The following SAXO1 variants were observed in gnomAD, a reference collection of about 807,000 sequenced individuals.
SAXO1 encodes 4930500O09Rik.
Under a neutral mutation model 17.5 loss-of-function variants are expected in SAXO1, and 21 were observed. The ratio of observed to expected loss-of-function variants is 1.20; its 90% CI spans 0.85 to 1.72. The LOEUF is 1.72. Among genes scored for constraint, SAXO1 ranks in the 40% most tolerant of loss-of-function variants. SAXO1 has a pLI of 0.00. For missense variants in SAXO1, 843 were observed against 596.0 expected, an observed-to-expected ratio of 1.41 and a Z score of -4.32; for synonymous variants, 274 against 216.5, an observed-to-expected ratio of 1.27 and a Z score of -2.33.
chr9:18,946,037 GAGGCCAAGGC>G (rs1261513747), intron 2 of SAXO1, among the ~76,000 whole-genome samples: 1 of 152,090 alleles, frequency 6.6e-6, no homozygotes, highest in Non-Finnish European at 1.5e-5. Flanking sequence ...AGCACTTTGG[GAGGCCAAGGC>G]AGGCGGATCA....
intron 1 of SAXO1, among the ~76,000 whole-genome samples, chr9:18,980,313 T>C (rs554524016): frequency 6.6e-6 from 1 of 152,040 alleles, no homozygotes; most frequent in Admixed American, 6.5e-5. Context: ...TGTTTAAGCA[T>C]ACAAATCAGA....
chr9:19,022,271 T>C (rs1329804534), intron 1 of SAXO1, among the ~76,000 whole-genome samples: 1 of 152,176 alleles, frequency 6.6e-6, no homozygotes, highest in Admixed American at 6.5e-5. Flanking sequence ...TCTGGACACA[T>C]CTGAACATCT....
chr9:19,027,285 G>A lies in SAXO1; in HGVS notation c.38+5586C>T, dbSNP rs191344442. ...GGTGGATGTTGAAAAGCTAAAGCCAGGAGACCTGGTGGGTGTGAACAAAGA... is the reference window on the plus strand; with the variant it reads ...GGTGGATGTTGAAAAGCTAAAGCCAAGAGACCTGGTGGGTGTGAACAAAGA... On this transcript the variant is annotated intron_variant, in intron 1 of 3. Transcript: ENST00000380534. 465 of 907,200 alleles carry A rather than the reference G, an allele frequency of 5.1e-4. 1 individual carries two copies. In the African/African-American group the frequency reaches 6.7e-3, roughly 13 times the overall value. 56.2% of individuals were successfully genotyped at this position (907,200 alleles called of 1,614,324 possible). A position where few individuals can be genotyped will look rare whatever the true frequency, so the allele number is the denominator to read the frequency against.
intron 1 of SAXO1, among the ~76,000 whole-genome samples, chr9:19,002,632 A>G (rs1271375290): frequency 6.6e-6 from 1 of 152,228 alleles, no homozygotes; most frequent in African/African-American, 2.4e-5. Context: ...AACAGAACCA[A>G]AGACAAAAAC....
intron 1 of SAXO1, among the ~76,000 whole-genome samples, chr9:19,041,481 T>C (rs1190682822): frequency 6.6e-6 from 1 of 152,140 alleles, no homozygotes; most frequent in Non-Finnish European, 1.5e-5. Flanking sequence ...AGATTGAGAA[T>C]AGCCAAAGCT....
chr9:18,968,529 T>A (rs962668634), intron 1 of SAXO1, among the ~76,000 whole-genome samples: 2 of 152,192 alleles, frequency 1.3e-5, no homozygotes, highest in African/African-American at 4.8e-5. Context: ...AAAAAAAGTT[T>A]CTAAAACTCC....
At chr9:19,033,265 G>T (rs567963751), upstream of SAXO1, 202 of 253,640 alleles carry the variant, frequency 8.0e-4, no homozygotes, top group Non-Finnish European at 1.2e-3. Context: ...TGTCGCCAGG[G>T]CCAGGAGGGG....
chr9:19,033,073 T>A lies in SAXO1; in HGVS notation c.-165A>T. 1 of 641,146 alleles carries A rather than the reference T, an allele frequency of 1.6e-6. No homozygotes were observed. 39.7% of individuals were successfully genotyped at this position (641,146 alleles called of 1,614,324 possible). On this transcript the variant is annotated 5_prime_UTR_variant, in exon 1 of 4. Transcript: ENST00000380534. ...GTGGCCCTTTTGCAATGTCCTGTCG[T>A]CTGTTGCCCTCCTGGAGCTGGCCTA... is the stretch of plus-strand genomic sequence containing the variant.
chr9:19,011,520 C>T (rs1225669671), intron 1 of SAXO1, among the ~76,000 whole-genome samples: 2 of 152,124 alleles, frequency 1.3e-5, no homozygotes. Flanking sequence ...TTCTTGTGTG[C>T]CCAGAGCTAA....
intron 1 of SAXO1, among the ~76,000 whole-genome samples, chr9:19,028,548 C>T (rs567369431): frequency 6.6e-6 from 1 of 152,160 alleles, no homozygotes; most frequent in Non-Finnish European, 1.5e-5. Context: ...TTAAGTGGTA[C>T]ATTAGTTTCA....
At chr9:19,027,187 C>G in intron 1 of SAXO1, 1 of 1,195,880 alleles carries the variant, frequency 8.4e-7, no homozygotes, top group Non-Finnish European at 1.2e-6. Context: ...GACCTGGACT[C>G]CCAGAGGAAG....
chr9:19,046,214 A>G (rs1836212902), intron 1 of SAXO1, among the ~76,000 whole-genome samples: 1 of 152,122 alleles, frequency 6.6e-6, no homozygotes. Flanking sequence ...ATAAAAGAAT[A>G]TATTTAATCC....
At chr9:19,031,118 G>C (rs7854974) in intron 1 of SAXO1, among the ~76,000 whole-genome samples, 73,424 of 152,114 alleles carry the variant, frequency 0.48, 19,430 homozygotes, top group African/African-American at 0.71. Flanking sequence ...GCAGGAGGGA[G>C]ACTTCTCACT....
At chr9:19,010,551 C>A (rs930616167) in intron 1 of SAXO1, among the ~76,000 whole-genome samples, 2 of 151,942 alleles carry the variant, frequency 1.3e-5, no homozygotes, top group African/African-American at 4.8e-5. Flanking sequence ...ATCCTGACCA[C>A]CCGAAACAGT....
chr9:18,970,160 A>G (rs969274591), intron 1 of SAXO1, among the ~76,000 whole-genome samples: 9 of 152,238 alleles, frequency 5.9e-5, no homozygotes, highest in Admixed American at 1.3e-4. Context: ...GCCACCATCC[A>G]TATAGCCCCA....
intron 1 of SAXO1, among the ~76,000 whole-genome samples, chr9:19,041,609 T>A (rs993032205): frequency 4.6e-5 from 7 of 151,938 alleles, no homozygotes; most frequent in Non-Finnish European, 7.4e-5. Flanking sequence ...CATAGACCAA[T>A]AGAACAGAAA....
chr9:18,935,782 G>T (rs1246266833), intron 3 of SAXO1, among the ~76,000 whole-genome samples: 2 of 152,126 alleles, frequency 1.3e-5, no homozygotes, highest in African/African-American at 4.8e-5. Flanking sequence ...CTGATTTCTT[G>T]CCATTAAGCT....
chr9:19,010,995 TA>T (rs1834708943), intron 1 of SAXO1, among the ~76,000 whole-genome samples: 1 of 152,224 alleles, frequency 6.6e-6, no homozygotes, highest in Non-Finnish European at 1.5e-5. Flanking sequence ...GAAAGGTTTT[TA>T]AAAGTTCACA....
upstream of SAXO1, among the ~76,000 whole-genome samples, chr9:19,038,177 A>T (rs1159120118): frequency 6.6e-6 from 1 of 152,228 alleles, no homozygotes; most frequent in Admixed American, 6.5e-5. Context: ...AACTAGTTCA[A>T]CCATTGTGGA....
Sources: gnomAD v4.1 joint callset for allele counts (sites outside exome capture counted in the v4.1 genomes callset) on GRCh38, gnomAD v4.1.1 for gene constraint, MANE v1.5 for transcripts, NCBI Gene and HGNC (gene_info 2026-07-23, HGNC 2026-07-21) for gene names.